The following TSNARE1 variants were observed in gnomAD, a reference collection of about 807,000 sequenced individuals.
The protein encoded by TSNARE1 is t-SNARE domain-containing protein 1.
In TSNARE1, 49 loss-of-function variants were observed where a neutral mutation model predicts 62.0. The observed-to-expected ratio is 0.79, with a 90% CI of 0.63 to 1.00. The LOEUF (loss-of-function observed/expected upper bound fraction) is 1.00, where lower values mean the gene tolerates loss of function less well. Ranked by LOEUF, TSNARE1 falls within the 50% of genes least tolerant of loss-of-function variation. The pLI is 0.00. For missense variants in TSNARE1, 755 were observed against 700.1 expected (o/e 1.08, Z -0.88); for synonymous variants, 328 against 294.4 (o/e 1.11, Z -1.17).
At chr8:142,299,814 G>A (rs1306884059) in intron 10 of TSNARE1, among the ~76,000 whole-genome samples, 1 of 152,190 alleles carries the variant, frequency 6.6e-6, no homozygotes, top group Non-Finnish European at 1.5e-5. Context: ...GTGCCTCTTG[G>A]GATACTCTGT....
At chr8:142,367,322 T>C (rs1835621102) in intron 1 of TSNARE1, among the ~76,000 whole-genome samples, 1 of 152,158 alleles carries the variant, frequency 6.6e-6, no homozygotes, top group Admixed American at 6.5e-5. Context: ...CTAAACAAAA[T>C]GGGCTCGCAC....
intron 13 of TSNARE1, among the ~76,000 whole-genome samples, chr8:142,227,231 C>A (rs1473552362): frequency 6.8e-6 from 1 of 147,774 alleles, no homozygotes; most frequent in African/African-American, 2.6e-5. Context: ...GACAGCCAGG[C>A]CCTACATCCT....
intron 1 of TSNARE1, among the ~76,000 whole-genome samples, chr8:142,357,922 G>A (rs1450303708): frequency 6.6e-6 from 1 of 152,256 alleles, no homozygotes; most frequent in Non-Finnish European, 1.5e-5. Flanking sequence ...TGAGAGGAGG[G>A]GGCGGCCAGC....
intron 13 of TSNARE1, among the ~76,000 whole-genome samples, chr8:142,218,129 G>A (rs1340965407): frequency 1.6e-5 from 2 of 125,796 alleles, no homozygotes; most frequent in Admixed American, 7.6e-5. Context: ...TCAGGGCTCC[G>A]TGTGACCAGG....
chr8:142,284,856 A>T (rs897106094), intron 10 of TSNARE1, among the ~76,000 whole-genome samples: 10 of 152,214 alleles, frequency 6.6e-5, no homozygotes, highest in African/African-American at 2.4e-4. Flanking sequence ...GAAGGACAGC[A>T]TCCCCAGCAC....
intron 12 of TSNARE1, chr8:142,271,620 C>G (rs1819560524): frequency 7.0e-7 from 1 of 1,434,766 alleles, no homozygotes; most frequent in Non-Finnish European, 9.1e-7. Context: ...GGGTCAGGTT[C>G]AGGCAGGCTG....
intron 1 of TSNARE1, among the ~76,000 whole-genome samples, chr8:142,395,112 T>C (rs529824128): frequency 4.6e-5 from 7 of 151,994 alleles, no homozygotes; most frequent in African/African-American, 1.4e-4. Flanking sequence ...CATCAAAGGC[T>C]GAGCGGCCTA....
rs572594829 is a variant in TSNARE1 at position 142,319,528 on chromosome 8, G to C, written c.894-894C>G. Among the ~76,000 whole-genome samples the C allele has an allele frequency of 2.0e-3, 301 of 152,216 alleles. 1 individual carries two copies. The highest frequency in any genetic ancestry group is 7.0e-3 in the African/African-American group (292 of 41,558). On this transcript the variant is annotated intron_variant, in intron 6 of 13. Transcript: ENST00000524325. The surrounding 1 kb of genome is among the most constrained non-coding windows in gnomAD (Gnocchi z 4.9). ...ACCAGGGCAACGGTACCCCAGCCCG[G>C]CTGCAGGCACACACACCAAGTGCAG... is the stretch of plus-strand genomic sequence containing the variant.
intron 9 of TSNARE1, among the ~76,000 whole-genome samples, chr8:142,303,067 G>A (rs972210198): frequency 6.6e-6 from 1 of 152,202 alleles, no homozygotes; most frequent in Non-Finnish European, 1.5e-5. Context: ...CTGCAGGGCA[G>A]CCTGGCTCAC....
intron 1 of TSNARE1, among the ~76,000 whole-genome samples, chr8:142,381,675 C>A (rs931536959): frequency 1.3e-5 from 2 of 152,178 alleles, no homozygotes; most frequent in African/African-American, 4.8e-5. Flanking sequence ...GGAGGAGCCA[C>A]GTGGGGCAAA....
chr8:142,400,335 A>G (rs1838197717), intron 1 of TSNARE1, among the ~76,000 whole-genome samples: 1 of 151,882 alleles, frequency 6.6e-6, no homozygotes, highest in African/African-American at 2.4e-5. Context: ...AATCCCAGCT[A>G]CTCGGAAGGC....
At chr8:142,320,132 G>A (rs559091086) in intron 6 of TSNARE1, among the ~76,000 whole-genome samples, 10 of 152,234 alleles carry the variant, frequency 6.6e-5, no homozygotes, top group Non-Finnish European at 1.5e-4. Context: ...TCGGCCTCCC[G>A]TCCCCGGCCC....
upstream of TSNARE1, chr8:142,406,319 T>C (rs1395843714): frequency 1.3e-5 from 2 of 152,286 alleles, no homozygotes; most frequent in Admixed American, 1.3e-4. Flanking sequence ...CCACTTCCAT[T>C]GTAGCTGATT....
chr8:142,336,866 G>C (rs1831831336), intron 4 of TSNARE1, among the ~76,000 whole-genome samples: 1 of 152,166 alleles, frequency 6.6e-6, no homozygotes, highest in East Asian at 1.9e-4. Flanking sequence ...AGTTATCTGT[G>C]AATGACATAA....
At chr8:142,249,994 G>A (rs1311424451) in intron 12 of TSNARE1, among the ~76,000 whole-genome samples, 1 of 152,208 alleles carries the variant, frequency 6.6e-6, no homozygotes, top group East Asian at 1.9e-4. Flanking sequence ...GGGGCCGGGG[G>A]ATGCCGAGCT....
intron 12 of TSNARE1, among the ~76,000 whole-genome samples, chr8:142,257,807 A>G (rs529101682): frequency 1.6e-4 from 24 of 152,250 alleles, no homozygotes; most frequent in Non-Finnish European, 8.8e-5. Context: ...ATGGAGATCC[A>G]GCCGCCTCCG....
intron 12 of TSNARE1, among the ~76,000 whole-genome samples, chr8:142,240,924 T>C (rs546044347): frequency 3.3e-5 from 5 of 152,350 alleles, no homozygotes; most frequent in Admixed American, 3.3e-4. Flanking sequence ...CGTCCAACTT[T>C]AGAGGAAAGA....
intron 13 of TSNARE1, among the ~76,000 whole-genome samples, chr8:142,218,492 GC>G (rs1484379995): frequency 2.0e-5 from 3 of 152,188 alleles, no homozygotes; most frequent in Non-Finnish European, 4.4e-5. Context: ...TCAGCTCACT[GC>G]CAATGTCCCT....
chr8:142,244,396 G>T (rs1233865143), intron 12 of TSNARE1, among the ~76,000 whole-genome samples: 1 of 151,642 alleles, frequency 6.6e-6, no homozygotes, highest in Non-Finnish European at 1.5e-5. Flanking sequence ...CAAAATATAT[G>T]TTTAGGAATA....
Sources: allele counts gnomAD v4.1 joint callset (sites outside exome capture counted in the v4.1 genomes callset), GRCh38; gene constraint gnomAD v4.1.1; non-coding constraint Gnocchi (gnomAD v3.1); transcripts MANE v1.5; gene names NCBI Gene and HGNC (gene_info 2026-07-23, HGNC 2026-07-21).